The following MTAP variants were observed in gnomAD, a reference collection of about 807,000 sequenced individuals.
The protein encoded by MTAP is S-methyl-5'-thioadenosine phosphorylase.
Under a neutral mutation model 33.6 loss-of-function variants are expected in MTAP, and 33 were observed. The observed-to-expected ratio is 0.98, with a 90% CI of 0.74 to 1.31. The LOEUF (loss-of-function observed/expected upper bound fraction) is 1.31, where lower values mean the gene tolerates loss of function less well. Among genes scored for constraint, MTAP ranks in the 40% most tolerant of loss-of-function variants. The pLI, the probability that MTAP is intolerant of heterozygous loss-of-function variation, is 0.00. For missense variants in MTAP, 367 were observed against 360.0 expected, an observed-to-expected ratio of 1.02 and a Z score of -0.16; for synonymous variants, 148 against 125.7, an observed-to-expected ratio of 1.18 and a Z score of -1.19.
At chr9:21,916,077 A>AG (rs1818683580) in intron 1 of MTAP, among the ~76,000 whole-genome samples, 1 of 141,152 alleles carries the variant, frequency 7.1e-6, no homozygotes, top group Admixed American at 7.1e-5. Flanking sequence ...GGAGGGAGGA[A>AG]GGAAAGGAAG....
At chr9:21,899,007 G>C (rs1818343781) in intron 1 of MTAP, among the ~76,000 whole-genome samples, 1 of 151,974 alleles carries the variant, frequency 6.6e-6, no homozygotes, top group Non-Finnish European at 1.5e-5. Context: ...CAATAGACCT[G>C]ATAAAGAAAA....
chr9:21,894,747 A>T (rs1032118095), intron 1 of MTAP, among the ~76,000 whole-genome samples: 13 of 151,682 alleles, frequency 8.6e-5, no homozygotes, highest in African/African-American at 2.4e-4. Flanking sequence ...AAGTGTAATT[A>T]AAAAATATAT....
At chr9:21,830,477 T>C (rs767547400) in intron 4 of MTAP, among the ~76,000 whole-genome samples, 2 of 152,196 alleles carry the variant, frequency 1.3e-5, no homozygotes, top group Non-Finnish European at 2.9e-5. Context: ...ATTTGGCCAC[T>C]GAGGGTAAAA....
At chr9:21,837,876 C>A (rs761172988) in intron 4 of MTAP, 32 bp from the exon 5 acceptor site, 3 of 1,587,514 alleles carry the variant, frequency 1.9e-6, no homozygotes, top group East Asian at 4.5e-5. Context: ...TAAAATAAAA[C>A]AAACAAAAAC....
intron 1 of MTAP, among the ~76,000 whole-genome samples, chr9:21,875,540 C>T (rs777548888): frequency 3.9e-5 from 6 of 151,940 alleles, no homozygotes; most frequent in Admixed American, 2.0e-4. Context: ...TTCTCTGCTC[C>T]TCACCCTCCT....
chr9:21,840,243 A>G (rs544772120), intron 5 of MTAP, among the ~76,000 whole-genome samples: 11 of 152,090 alleles, frequency 7.2e-5, no homozygotes, highest in Non-Finnish European at 1.2e-4. Context: ...AAAGTAAAGA[A>G]AAGACAGGGC....
intron 4 of MTAP, among the ~76,000 whole-genome samples, chr9:21,818,588 G>A (rs980741738): frequency 6.6e-6 from 1 of 152,152 alleles, no homozygotes; most frequent in African/African-American, 2.4e-5. Flanking sequence ...AAAGCGCAAA[G>A]TGCTGGGATT....
At chr9:21,831,634 T>A (rs914621984) in intron 4 of MTAP, among the ~76,000 whole-genome samples, 1 of 152,168 alleles carries the variant, frequency 6.6e-6, no homozygotes, top group Non-Finnish European at 1.5e-5. Context: ...AGCTACATAT[T>A]TTTTAGAAAA....
intron 1 of MTAP, among the ~76,000 whole-genome samples, chr9:21,876,873 A>G (rs1256741502): frequency 6.9e-6 from 1 of 144,780 alleles, no homozygotes; most frequent in Non-Finnish European, 1.5e-5. Context: ...CATGTGAATT[A>G]AAAAAAAAAA....
chr9:21,864,426 G>A lies in MTAP; in HGVS notation c.*2412G>A, dbSNP rs982523332. The A allele has an allele frequency of 1.0e-6, 1 of 985,262 alleles. No individual in the cohort carries two copies. The highest frequency in any genetic ancestry group is 1.7e-5 in the African/African-American group (1 of 57,218). The allele number at this position is 985,262 out of a possible 1,614,324, so 61.0% of individuals were successfully genotyped here. On this transcript the variant is annotated 3_prime_UTR_variant, in exon 8 of 8. Coordinates refer to ENST00000644715, the MANE Select transcript of MTAP (RefSeq NM_002451.4). ...TGTGAGCATTTTGGTTTCCGCAAAG[G>A]ATGGATGGTGAGCATCATGGGAAAG...
chr9:21,827,304 T>G (rs1027470330), intron 4 of MTAP, among the ~76,000 whole-genome samples: 14 of 152,214 alleles, frequency 9.2e-5, no homozygotes, highest in Non-Finnish European at 1.2e-4. Flanking sequence ...CAGTTATCTC[T>G]GAGCTTACTG....
At chr9:21,905,028 A>G (rs1297785005) in intron 1 of MTAP, among the ~76,000 whole-genome samples, 1 of 152,184 alleles carries the variant, frequency 6.6e-6, no homozygotes, top group Non-Finnish European at 1.5e-5. Context: ...AGTTGTTTAC[A>G]GCTCCTAAAG....
intron 1 of MTAP, among the ~76,000 whole-genome samples, chr9:21,890,904 T>A (rs1403333695): frequency 6.6e-6 from 1 of 152,176 alleles, no homozygotes; most frequent in East Asian, 1.9e-4. Flanking sequence ...AAGTTTATGA[T>A]GTAAGCCTCC....
rs538983344 is a variant in MTAP at position 21,862,156 on chromosome 9, G to C, written c.*142G>C. The C allele has an allele frequency of 1.5e-5, 23 of 1,506,450 alleles. No individual in the cohort carries two copies. Among genetic ancestry groups the C allele is most frequent in the Non-Finnish European group, 1.9e-5 (22 of 1,131,452 alleles). 93.3% of individuals were successfully genotyped at this position (1,506,450 alleles called of 1,614,324 possible). Reference sequence around the variant, plus strand: ...AAAGAGTATGTTGTAAGAAAGACAAGACATTGTGTGTATTAGAGACTCCTG... The same window carrying C: ...AAAGAGTATGTTGTAAGAAAGACAACACATTGTGTGTATTAGAGACTCCTG... On this transcript the variant is annotated 3_prime_UTR_variant, in exon 8 of 8. Transcript: ENST00000644715.
At chr9:21,838,131 A>G (rs1420530233) in intron 5 of MTAP, 121 bp downstream of exon 5, 1 of 722,216 alleles carries the variant, frequency 1.4e-6, no homozygotes, top group Non-Finnish European at 2.4e-6. Flanking sequence ...GCTTTGTATT[A>G]TGCAAAGTTT....
At position 21,855,097 on chromosome 9, in the gene MTAP, G is replaced by T. The variant is rs7039105; in HGVS notation, c.690+227G>T. 0.51 allele frequency among the ~76,000 whole-genome samples: 77,413 copies of T among 152,050 alleles called. 21,027 individuals carry two copies. The highest frequency in any genetic ancestry group is 0.73 in the East Asian group (3,756 of 5,160). On this transcript the variant is annotated intron_variant, in intron 6 of 7. Transcript: ENST00000644715. ...TAGTGAAAATAGTACATTGTAGGCA[G>T]GTAGATGTGTTGAGAATCATACTAA...
At chr9:21,836,396 C>T (rs999751009) in intron 4 of MTAP, among the ~76,000 whole-genome samples, 2 of 151,954 alleles carry the variant, frequency 1.3e-5, no homozygotes, top group Non-Finnish European at 2.9e-5. Context: ...GCGGGGGTTC[C>T]AAGGCAAATG....
In MTAP at chr9:21,862,235, G is replaced by A. The variant is rs1050644886; in HGVS notation, c.*221G>A. ...AGAAAAGCAAATGACTAGTAAACAT[G>A]TGGGAAAAAATATTACATTTTAAGG... On this transcript the variant is annotated 3_prime_UTR_variant, in exon 8 of 8. Coordinates refer to ENST00000644715, the MANE Select transcript of MTAP (RefSeq NM_002451.4). 2 of 1,169,776 alleles carry A rather than the reference G, an allele frequency of 1.7e-6. No homozygotes were observed. Among genetic ancestry groups the A allele is most frequent in the African/African-American group, 1.6e-5 (1 of 62,760 alleles). The allele number at this position is 1,169,776 out of a possible 1,614,324, so 72.5% of individuals were successfully genotyped here.
At chr9:21,853,319 A>T (rs187914047) in intron 5 of MTAP, among the ~76,000 whole-genome samples, 77 of 152,160 alleles carry the variant, frequency 5.1e-4, no homozygotes, top group Non-Finnish European at 8.5e-4. Flanking sequence ...TGGGGTAGAG[A>T]TTTAGGCTTT....
Sources: allele counts gnomAD v4.1 joint callset (sites outside exome capture counted in the v4.1 genomes callset), GRCh38; gene constraint gnomAD v4.1.1; transcripts MANE v1.5; gene names NCBI Gene and HGNC (gene_info 2026-07-23, HGNC 2026-07-21).